Variants in ABCA5 observed in about 807,000 individuals in gnomAD.
The protein encoded by ABCA5 is ATP binding cassette subfamily A member 5.
Under a neutral mutation model 206.0 loss-of-function variants are expected in ABCA5, and 163 were observed. The observed-to-expected ratio is 0.79, with a 90% CI of 0.70 to 0.90. The LOEUF (loss-of-function observed/expected upper bound fraction) is 0.90. Among genes scored for constraint, ABCA5 ranks in the 40% least tolerant of loss-of-function variants. The pLI is 0.00. For synonymous variants in ABCA5, 609 were observed against 613.8 expected (o/e 0.99, Z 0.11); for missense variants, 1,859 against 1,912.9 (o/e 0.97, Z 0.53).
In ABCA5 at chr17:69,260,424, A is replaced by G. The variant is rs748158816; in HGVS notation, c.3565-12T>C. The G allele has an allele frequency of 6.4e-7, 1 of 1,555,200 alleles. No individual in the cohort carries two copies. Among genetic ancestry groups the G allele is most frequent in the Admixed American group, 1.7e-5 (1 of 58,522 alleles). On this transcript the variant is annotated splice_polypyrimidine_tract_variant and intron_variant, in intron 26 of 38. Transcript: ENST00000392676. ...TTCTTCCAAGAAATCTAAGACAAAAAGATTTGAAAATATATACGCTGCAAT... is the reference window on the plus strand; with the variant it reads ...TTCTTCCAAGAAATCTAAGACAAAAGGATTTGAAAATATATACGCTGCAAT...
intron 19 of ABCA5, among the ~76,000 whole-genome samples, chr17:69,275,766 T>C (rs2075324587): frequency 6.6e-6 from 1 of 152,224 alleles, no homozygotes; most frequent in Non-Finnish European, 1.5e-5. Context: ...AACTCCCATA[T>C]GATGGTATTT....
In ABCA5 at chr17:69,326,389, C is replaced by G. The variant is rs1484021267; in HGVS notation, c.-16+663G>C. Among the ~76,000 whole-genome samples the G allele has an allele frequency of 6.6e-6, 1 of 152,160 alleles. No homozygotes were observed. The highest frequency in any genetic ancestry group is 2.4e-5 in the African/African-American group (1 of 41,426). On this transcript the variant is annotated intron_variant, in intron 1 of 38. Coordinates refer to ENST00000392676, the MANE Select transcript of ABCA5 (RefSeq NM_172232.4). This position sits in a 1 kb window ranked among gnomAD's most constrained non-coding sequence, Gnocchi z 4.8. ...TATTTATTTAAAACGTAAATCGAAG[C>G]CTGAGGAGCCCAGGGGAAAACCTCC...
At chr17:69,277,510 A>T (rs1229547273) in intron 19 of ABCA5, 131 bp downstream of exon 19, 2 of 679,358 alleles carry the variant, frequency 2.9e-6, no homozygotes, top group Non-Finnish European at 4.5e-6. Context: ...ACATTGTGAA[A>T]TTACAGTGGT....
intron 3 of ABCA5, among the ~76,000 whole-genome samples, chr17:69,312,590 T>C (rs2075780813): frequency 6.6e-6 from 1 of 152,150 alleles, no homozygotes. Flanking sequence ...TTTTTATTGT[T>C]ATAGATGGGG....
At chr17:69,286,677 C>A (rs910493516) in intron 15 of ABCA5, among the ~76,000 whole-genome samples, 6 of 152,104 alleles carry the variant, frequency 3.9e-5, no homozygotes, top group Non-Finnish European at 5.9e-5. Flanking sequence ...GTAGAAACAA[C>A]TCCAAAAATC....
Position 69,301,225 on chromosome 17 carries a change from T to G in ABCA5, c.1181A>C (p.Tyr394Ser). Residue 394 changes from tyrosine (Y) to serine (S), a missense_variant, in exon 9 of 39, where the codon TAT becomes TCT. Transcript: ENST00000392676. Reference protein sequence around the residue: ...ASFSNLTAGPYPLIITIIMLT... With the variant: ...ASFSNLTAGPSPLIITIIMLT... ...CATGATAATTGTAATAATTAGAGGA[T>G]ATGGGCCTGCAGTCAAATTTGAAAA... The G allele has an allele frequency of 1.2e-6, 2 of 1,603,966 alleles. No homozygotes were observed. The highest frequency in any genetic ancestry group is 4.5e-5 in the East Asian group (2 of 44,336).
chr17:69,287,322 T>C (rs1447270739), intron 15 of ABCA5, among the ~76,000 whole-genome samples: 1 of 152,174 alleles, frequency 6.6e-6, no homozygotes, highest in East Asian at 1.9e-4. Context: ...CATATACCTT[T>C]TCCCTTTGCT....
intron 22 of ABCA5, among the ~76,000 whole-genome samples, chr17:69,269,315 GTC>G (rs891005310): frequency 1.6e-4 from 25 of 152,264 alleles, no homozygotes; most frequent in African/African-American, 5.5e-4. Context: ...TTTCACCTGT[GTC>G]TTAAAAGTTT....
chr17:69,314,756 G>T, intron 1 of ABCA5: 1 of 202,240 alleles, frequency 4.9e-6, no homozygotes, highest in Non-Finnish European at 9.9e-6. Flanking sequence ...GAATGGGCAA[G>T]GGAAGTCTTA....
At position 69,313,251 on chromosome 17, in the gene ABCA5, T is replaced by C. The variant is rs746269594; in HGVS notation, c.148A>G (p.Ser50Gly). The stretch of plus-strand genomic sequence containing the variant: ...TATTTCTTATTTGGATGCATCATGC[T>C]AATTAATATTAACCAAAATAAAAAA... ...LFFLFWLILI[S>G]MMHPNKKYEE... Residue 50 changes from serine to glycine, a missense_variant, in exon 3 of 39, where the codon AGC (serine) becomes GGC (glycine). Coordinates refer to ENST00000392676, the MANE Select transcript of ABCA5 (RefSeq NM_172232.4). The C allele has an allele frequency of 1.3e-6, 2 of 1,485,154 alleles. No individual in the cohort carries two copies. Among genetic ancestry groups the C allele is most frequent in the Admixed American group, 1.8e-5 (1 of 56,972 alleles). The allele number at this position is 1,485,154 out of a possible 1,614,324, so 92.0% of individuals were successfully genotyped here. A position where few individuals can be genotyped will look rare whatever the true frequency, so the allele number is the denominator to read the frequency against.
intron 1 of ABCA5, among the ~76,000 whole-genome samples, chr17:69,325,503 T>C (rs2075891582): frequency 6.6e-6 from 1 of 152,156 alleles, no homozygotes; most frequent in Non-Finnish European, 1.5e-5. Context: ...ACTAGAAAAG[T>C]TATGACTTAG....
chr17:69,309,509 G>A, intron 3 of ABCA5, 86 bp from the exon 4 acceptor site: 1 of 1,004,236 alleles, frequency 1.0e-6, no homozygotes, highest in East Asian at 2.9e-5. Context: ...TTTGATGAAT[G>A]GAATATTTTA....
Position 69,289,313 on chromosome 17 carries a change from T to C in ABCA5, c.1783-17A>G, listed in dbSNP as rs748957257. 5 of 1,503,616 alleles carry C rather than the reference T, an allele frequency of 3.3e-6. No individual in the cohort carries two copies. Among genetic ancestry groups the C allele is most frequent in the Non-Finnish European group, 3.5e-6 (4 of 1,132,190 alleles). The allele number at this position is 1,503,616 out of a possible 1,614,324, so 93.1% of individuals were successfully genotyped here. ...CTTCTGCACCTGTAAAAGTAAAGCA[T>C]GAACAATGTTATTTTAAAAATCATA... On this transcript the variant is annotated splice_polypyrimidine_tract_variant and intron_variant, in intron 13 of 38. Transcript: ENST00000392676.
rs774252475 is a variant in ABCA5 at position 69,304,821 on chromosome 17, A to T, written c.789-11T>A. ...AGAACCCAGGAAAGCCTAAAATGAG[A>T]ATACAGATATAGTTATGGTCAAATG... On this transcript the variant is annotated splice_polypyrimidine_tract_variant and intron_variant, in intron 6 of 38. Transcript: ENST00000392676. The T allele has an allele frequency of 2.5e-6, 4 of 1,579,068 alleles. No individual in the cohort carries two copies. In the African/African-American group the frequency reaches 5.5e-5, roughly 22 times the overall value.
At chr17:69,261,546 AGAC>A (rs2075147301) in intron 25 of ABCA5, 86 bp downstream of exon 25, 1 of 673,392 alleles carries the variant, frequency 1.5e-6, no homozygotes. Context: ...CACTTACAAA[AGAC>A]ATGTAACATT....
chr17:69,299,641 C>CTAA (rs2075630324), intron 9 of ABCA5, among the ~76,000 whole-genome samples: 1 of 151,380 alleles, frequency 6.6e-6, no homozygotes, highest in Admixed American at 6.6e-5. Flanking sequence ...TAAGTGGGAG[C>CTAA]TAAGCTATGA....
chr17:69,279,273 C>T lies in ABCA5; in HGVS notation c.2393-1431G>A, dbSNP rs1041410861. On this transcript the variant is annotated intron_variant, in intron 18 of 38. Transcript: ENST00000392676. Reference sequence around the variant, plus strand: ...AGAGAGCCAAATCATGAGTGAACTCCCATTCACAATTGCTTCAAAGAGAAT... The same window carrying T: ...AGAGAGCCAAATCATGAGTGAACTCTCATTCACAATTGCTTCAAAGAGAAT... Among the ~76,000 whole-genome samples the T allele has an allele frequency of 4.7e-3, 709 of 151,996 alleles. 5 individuals are homozygous for T. Among genetic ancestry groups the T allele is most frequent in the African/African-American group, 0.016 (681 of 41,520 alleles).
chr17:69,293,136 T>C (rs923543792), intron 11 of ABCA5, among the ~76,000 whole-genome samples: 1 of 151,358 alleles, frequency 6.6e-6, no homozygotes, highest in Non-Finnish European at 1.5e-5. Flanking sequence ...TTTAGCAGCG[T>C]GTCAGTCAGT....
chr17:69,318,059 G>T (rs2075832116), intron 1 of ABCA5, among the ~76,000 whole-genome samples: 1 of 151,912 alleles, frequency 6.6e-6, no homozygotes, highest in Non-Finnish European at 1.5e-5. Context: ...TCCAAAACAA[G>T]GACCATCTGT....
Sources: allele counts gnomAD v4.1 joint callset (sites outside exome capture counted in the v4.1 genomes callset), GRCh38; gene constraint gnomAD v4.1.1; non-coding constraint Gnocchi (gnomAD v3.1); transcripts MANE v1.5; gene names NCBI Gene and HGNC (gene_info 2026-07-23, HGNC 2026-07-21).